Variants in PDE1A observed in about 807,000 individuals in gnomAD.
PDE1A encodes dual specificity calcium/calmodulin-dependent 3',5'-cyclic nucleotide phosphodiesterase 1A.
PDE1A carries 35 observed loss-of-function variants against 61.7 expected under a neutral mutation model. The ratio of observed to expected loss-of-function variants is 0.57; its 90% CI spans 0.43 to 0.75. The LOEUF is 0.75. PDE1A is among the 30% of genes least tolerant of loss of function. The pLI, the probability that PDE1A is intolerant of heterozygous loss-of-function variation, is 0.00. For synonymous variants in PDE1A, 232 were observed against 213.2 expected, an observed-to-expected ratio of 1.09 and a Z score of -0.77; for missense variants, 597 against 630.6, an observed-to-expected ratio of 0.95 and a Z score of 0.57.
At position 182,234,431 on chromosome 2, in the gene PDE1A, C is replaced by T. The variant is rs758297729; in HGVS notation, c.417+1G>A. On this transcript the variant is annotated splice_donor_variant, in intron 4 of 13. Coordinates refer to ENST00000351439, the Ensembl canonical transcript of PDE1A. LOFTEE classifies it high-confidence loss of function. The stretch of plus-strand genomic sequence containing the variant: ...ACACGAAAATAATGAAATTATGTCA[C>T]CTTTAATGTTACGATGACAGCTGCT... 1.3e-6 allele frequency: 2 copies of T among 1,590,164 alleles called. No homozygotes were observed. The highest frequency in any genetic ancestry group is 1.7e-4 in the Middle Eastern group (1 of 6,016).
chr2:182,365,427 A>T (rs925114267), intron 1 of PDE1A, among the ~76,000 whole-genome samples: 3 of 151,988 alleles, frequency 2.0e-5, no homozygotes. Context: ...AACCCTATAC[A>T]CTTAACTTAG....
chr2:182,680,844 T>G, the PDE1A span, among the ~76,000 whole-genome samples: 1 of 152,222 alleles, frequency 6.6e-6, no homozygotes, highest in African/African-American at 2.4e-5. Flanking sequence ...AGGGCAGGGC[T>G]ACCCCATAGG....
At chr2:182,315,507 A>G (rs1696280656) in intron 1 of PDE1A, among the ~76,000 whole-genome samples, 1 of 152,208 alleles carries the variant, frequency 6.6e-6, no homozygotes, top group African/African-American at 2.4e-5. Flanking sequence ...AGGAAGCCAC[A>G]CCAGTTTATT....
At chr2:182,653,122 C>T in the PDE1A span, among the ~76,000 whole-genome samples, 1 of 152,256 alleles carries the variant, frequency 6.6e-6, no homozygotes, top group African/African-American at 2.4e-5. Flanking sequence ...ACTTTCGACC[C>T]TTTTGAAGTA....
chr2:182,695,098 G>A, the PDE1A span, among the ~76,000 whole-genome samples: 6 of 151,998 alleles, frequency 3.9e-5, no homozygotes, highest in African/African-American at 1.4e-4. Flanking sequence ...TCTTTGAAAG[G>A]CATATTTTAA....
At chr2:182,199,193 C>G (rs918366687) in intron 10 of PDE1A, among the ~76,000 whole-genome samples, 2 of 151,852 alleles carry the variant, frequency 1.3e-5, no homozygotes, top group African/African-American at 4.8e-5. Flanking sequence ...ATGATATTCT[C>G]TCTTTCATTT....
chr2:182,485,119 T>A (rs1687935105), intron 2 of PDE1A, among the ~76,000 whole-genome samples: 1 of 152,058 alleles, frequency 6.6e-6, no homozygotes, highest in African/African-American at 2.4e-5. Context: ...TTAACCTAAA[T>A]GCCTATCAGT....
At chr2:182,675,208 T>C in the PDE1A span, among the ~76,000 whole-genome samples, 36 of 152,186 alleles carry the variant, frequency 2.4e-4, no homozygotes, top group Admixed American at 2.0e-3. Flanking sequence ...ACATGAAGCA[T>C]TTGGTTTTCT....
At chr2:182,173,354 T>C (rs1479876368) in intron 13 of PDE1A, among the ~76,000 whole-genome samples, 2 of 151,992 alleles carry the variant, frequency 1.3e-5, no homozygotes, top group African/African-American at 4.8e-5. Context: ...GCACACACCA[T>C]TCAAACAATT....
At chr2:182,183,057 C>T (rs1179661294) in intron 13 of PDE1A, among the ~76,000 whole-genome samples, 1 of 152,094 alleles carries the variant, frequency 6.6e-6, no homozygotes, top group Non-Finnish European at 1.5e-5. Context: ...ATTTCTAGAA[C>T]ACATGGCAGA....
the PDE1A span, among the ~76,000 whole-genome samples, chr2:182,679,193 T>TATTA: frequency 6.9e-6 from 1 of 145,782 alleles, no homozygotes; most frequent in African/African-American, 2.6e-5. Context: ...TTATTATTAT[T>TATTA]TTTTTTTTGA....
the PDE1A span, among the ~76,000 whole-genome samples, chr2:182,559,057 T>C: frequency 6.6e-6 from 1 of 152,224 alleles, no homozygotes; most frequent in Non-Finnish European, 1.5e-5. Context: ...ACTTTGAGAA[T>C]ACCTCAACCA....
intron 1 of PDE1A, among the ~76,000 whole-genome samples, chr2:182,278,475 T>C (rs1174552343): frequency 1.3e-5 from 2 of 152,044 alleles, no homozygotes; most frequent in Admixed American, 1.3e-4. Context: ...AAATAGAGTC[T>C]TTAAAGAAGT....
chr2:182,265,222 A>G (rs1070197), intron 1 of PDE1A, among the ~76,000 whole-genome samples: 1,958 of 151,870 alleles, frequency 0.013, 26 homozygotes, highest in African/African-American at 0.022. Context: ...TATCCACGTA[A>G]CCAGAAACCA....
At chr2:182,339,794 T>C (rs1370458633) in intron 1 of PDE1A, among the ~76,000 whole-genome samples, 2 of 152,166 alleles carry the variant, frequency 1.3e-5, no homozygotes, top group Non-Finnish European at 2.9e-5. Flanking sequence ...CTCCATGAAA[T>C]TTTGATTTAG....
chr2:182,323,024 T>A (rs1045991183), intron 1 of PDE1A, among the ~76,000 whole-genome samples: 2 of 152,120 alleles, frequency 1.3e-5, no homozygotes, highest in Non-Finnish European at 2.9e-5. Context: ...TTATACATAA[T>A]ATAACTATTC....
chr2:182,368,075 C>G (rs1264860516), intron 1 of PDE1A, among the ~76,000 whole-genome samples: 1 of 152,106 alleles, frequency 6.6e-6, no homozygotes, highest in Non-Finnish European at 1.5e-5. Context: ...GTTTGCCAAT[C>G]TTTTCTCATC....
the PDE1A span, among the ~76,000 whole-genome samples, chr2:182,578,132 G>A: frequency 4.5e-4 from 69 of 152,302 alleles, 1 homozygote; most frequent in African/African-American, 1.2e-3. Flanking sequence ...GAAGAAGCCC[G>A]AAGTCATGAG....
chr2:182,212,406 GGGA>G (rs1366983130), intron 7 of PDE1A, among the ~76,000 whole-genome samples: 1 of 152,122 alleles, frequency 6.6e-6, no homozygotes, highest in African/African-American at 2.4e-5. Flanking sequence ...CAATACATTG[GGGA>G]GGAGCCAAGA....
Sources: gnomAD v4.1 joint callset for allele counts (sites outside exome capture counted in the v4.1 genomes callset) on GRCh38, gnomAD v4.1.1 for gene constraint, MANE v1.5 for transcripts, NCBI Gene and HGNC (gene_info 2026-07-23, HGNC 2026-07-21) for gene names.